The following NBEA variants were observed in gnomAD, a reference collection of about 807,000 sequenced individuals.
NBEA encodes neurobeachin, also known as lysosomal-trafficking regulator 2.
A neutral mutation model predicts 343.4 loss-of-function variants in NBEA; 44 were observed. That is an observed-to-expected ratio of 0.13 (90% CI 0.10 to 0.16). NBEA has a LOEUF of 0.16. Ranked by LOEUF, NBEA falls within the 10% of genes least tolerant of loss-of-function variation. The probability of loss-of-function intolerance (pLI) is 1.00; values close to 1 mark genes in which losing one functional copy is unlikely to be tolerated. For missense variants in NBEA, 2,555 were observed against 3,631.3 expected (o/e 0.70, Z 7.62); for synonymous variants, 1,175 against 1,238.7 (o/e 0.95, Z 1.08).
At chr13:35,345,715 T>G (rs1471525794) in intron 36 of NBEA, among the ~76,000 whole-genome samples, 1 of 151,934 alleles carries the variant, frequency 6.6e-6, no homozygotes, top group Admixed American at 6.6e-5. Flanking sequence ...AACATGGAAT[T>G]GTGGGATCCC....
At chr13:35,402,134 A>G (rs1198788478) in intron 38 of NBEA, among the ~76,000 whole-genome samples, 2 of 152,038 alleles carry the variant, frequency 1.3e-5, no homozygotes, top group African/African-American at 4.8e-5. Flanking sequence ...AAAATATTTC[A>G]GACATTTTAA....
intron 48 of NBEA, among the ~76,000 whole-genome samples, chr13:35,622,974 G>A (rs1367675746): frequency 6.6e-6 from 1 of 151,986 alleles, no homozygotes; most frequent in Non-Finnish European, 1.5e-5. Context: ...TAGAATGAGG[G>A]AAATATTATC....
At chr13:35,487,403 TGTCATGCA>T (rs1485387615) in intron 41 of NBEA, among the ~76,000 whole-genome samples, 4 of 151,960 alleles carry the variant, frequency 2.6e-5, no homozygotes, top group Admixed American at 1.3e-4. Context: ...TACTAAAATG[TGTCATGCA>T]GTTAGTATCA....
chr13:35,173,586 G>C lies in NBEA; in HGVS notation c.4546G>C (p.Ala1516Pro). The C allele has an allele frequency of 6.3e-7, 1 of 1,593,708 alleles. No individual in the cohort carries two copies. Among genetic ancestry groups the C allele is most frequent in the South Asian group, 1.2e-5 (1 of 86,480 alleles). The change falls in exon 27 of 59, where the codon GCT becomes CCT. Residue 1516 changes from alanine to proline, a missense_variant. Transcript: ENST00000379939. ...EVPQSVTATAASKTPLENVPG... is the reference protein window; with the variant it reads ...EVPQSVTATAPSKTPLENVPG... ...TCCTCAAAGTGTGACTGCTACAGCA[G>C]CTTCGAAGGTAAGTAAACTTTTTTT...
chr13:34,991,296 T>C (rs909730249), intron 1 of NBEA, among the ~76,000 whole-genome samples: 15 of 152,182 alleles, frequency 9.9e-5, no homozygotes, highest in Non-Finnish European at 8.8e-5. Flanking sequence ...AGGAACTACC[T>C]GAGACTGGGT....
rs5802757 is a variant in NBEA, at chr13:35,279,327, GA to G, written c.5777-11060del. 9.0e-3 allele frequency among the ~76,000 whole-genome samples: 1,373 copies of G among 152,298 alleles called. 20 individuals are homozygous for G. Among genetic ancestry groups the G allele is most frequent in the African/African-American group, 0.031 (1,295 of 41,556 alleles). ...TACTAGCAAGGAAATTTAGTGTCAA[GA>G]ATGTGATGTGTCTTAGCTCAAGTTT... On this transcript the variant is annotated intron_variant, in intron 34 of 58. Coordinates refer to ENST00000379939, the MANE Select transcript of NBEA (RefSeq NM_001385012.1).
chr13:35,218,444 G>A (rs932886866), intron 33 of NBEA, among the ~76,000 whole-genome samples: 1 of 151,774 alleles, frequency 6.6e-6, no homozygotes. Flanking sequence ...TGTCATCCAC[G>A]AATAATGGGG....
chr13:35,482,871 A>G (rs573951786), intron 41 of NBEA, among the ~76,000 whole-genome samples: 2 of 151,988 alleles, frequency 1.3e-5, no homozygotes, highest in East Asian at 3.9e-4. Flanking sequence ...CTATTACCAC[A>G]AAAATGTTTC....
rs2070637166 is a variant in NBEA, at chr13:35,173,547, A to G, written c.4507A>G (p.Lys1503Glu). The G allele has an allele frequency of 6.2e-7, 1 of 1,612,398 alleles. No homozygotes were observed. Among genetic ancestry groups the G allele is most frequent in the South Asian group, 1.1e-5 (1 of 90,894 alleles). ...AAATAAATCTTCCCATGGAAGCAGT[A>G]AACCTCAGGAAGTTCCTCAAAGTGT... ...RGNKSSHGSS[K>E]PQEVPQSVTA... Residue 1503 changes from lysine (K) to glutamate (E), a missense_variant, in exon 27 of 59, where the codon AAA (lysine) becomes GAA (glutamate). Physicochemically the swap from Lys to Glu is moderately conservative, Grantham distance 56. Transcript: ENST00000379939.
intron 41 of NBEA, among the ~76,000 whole-genome samples, chr13:35,513,398 G>A (rs2077363392): frequency 6.9e-6 from 1 of 144,444 alleles, no homozygotes; most frequent in Non-Finnish European, 1.5e-5. Context: ...GGATCCACCT[G>A]CCTCAGCCTC....
At chr13:35,407,134 G>T (rs1263048685) in intron 38 of NBEA, among the ~76,000 whole-genome samples, 59 of 148,334 alleles carry the variant, frequency 4.0e-4, no homozygotes, top group Non-Finnish European at 7.0e-4. Flanking sequence ...TAATTTTTGT[G>T]TTTTTTTTTC....
At chr13:35,577,405 G>C (rs1304735486) in intron 45 of NBEA, among the ~76,000 whole-genome samples, 1 of 152,140 alleles carries the variant, frequency 6.6e-6, no homozygotes, top group Non-Finnish European at 1.5e-5. Flanking sequence ...CCATTACATT[G>C]TAGGAACTGG....
chr13:35,363,369 G>A (rs1233380131), intron 38 of NBEA, among the ~76,000 whole-genome samples: 1 of 151,666 alleles, frequency 6.6e-6, no homozygotes, highest in Non-Finnish European at 1.5e-5. Context: ...TGGTACCTAG[G>A]GCATGGCTAT....
intron 40 of NBEA, among the ~76,000 whole-genome samples, chr13:35,470,260 C>G (rs2152957474): frequency 6.6e-6 from 1 of 152,286 alleles, no homozygotes; most frequent in East Asian, 1.9e-4. Context: ...CGTCCCCTTT[C>G]AGAAACACAG....
At chr13:35,160,975 G>A (rs1214424773) in intron 22 of NBEA, among the ~76,000 whole-genome samples, 1 of 152,162 alleles carries the variant, frequency 6.6e-6, no homozygotes, top group African/African-American at 2.4e-5. Context: ...ACTATGAAGA[G>A]TAAACCATGC....
intron 38 of NBEA, among the ~76,000 whole-genome samples, chr13:35,403,168 AAAT>A (rs1416806600): frequency 1.3e-5 from 2 of 151,984 alleles, no homozygotes; most frequent in Non-Finnish European, 2.9e-5. Context: ...TCACATTAAC[AAAT>A]AATAAATAAA....
At chr13:35,654,213 G>C (rs1258363886) in intron 53 of NBEA, among the ~76,000 whole-genome samples, 4 of 152,150 alleles carry the variant, frequency 2.6e-5, no homozygotes, top group Non-Finnish European at 5.9e-5. Flanking sequence ...CCAGGGCTCT[G>C]CACTGATTCT....
intron 41 of NBEA, among the ~76,000 whole-genome samples, chr13:35,494,618 A>G (rs2076609015): frequency 6.6e-6 from 1 of 152,058 alleles, no homozygotes; most frequent in Non-Finnish European, 1.5e-5. Flanking sequence ...GGAAGAGGTG[A>G]ACAAAAAAGA....
chr13:35,208,728 C>A lies in NBEA; in HGVS notation c.5395C>A (p.Pro1799Thr), dbSNP rs2073567163. ...RSVVVPVKKP[P>T]PGSLAVTTVG... is the part of the protein sequence containing the mutation. Reference sequence around the variant, plus strand: ...TGTTGTGGTGCCTGTAAAGAAACCACCTCCAGGTAGTTTAGCTGTAACCAC... The same window carrying A: ...TGTTGTGGTGCCTGTAAAGAAACCAACTCCAGGTAGTTTAGCTGTAACCAC... The change falls in exon 32 of 59, where the codon CCT becomes ACT. Residue 1799 changes from proline to threonine, a missense_variant. Physicochemically the swap from Pro to Thr is conservative, Grantham distance 38. Transcript: ENST00000379939. 2 of 1,607,674 alleles carry A rather than the reference C, an allele frequency of 1.2e-6. No individual in the cohort carries two copies. The highest frequency in any genetic ancestry group is 1.7e-6 in the Non-Finnish European group (2 of 1,176,296).
Sources: allele counts gnomAD v4.1 joint callset (sites outside exome capture counted in the v4.1 genomes callset), GRCh38; gene constraint gnomAD v4.1.1; transcripts MANE v1.5; gene names NCBI Gene and HGNC (gene_info 2026-07-23, HGNC 2026-07-21).